The following MTHFD1L variants were observed in gnomAD, a reference collection of about 807,000 sequenced individuals.
MTHFD1L encodes the protein monofunctional C1-tetrahydrofolate synthase, mitochondrial.
In MTHFD1L, 81 loss-of-function variants were observed where a neutral mutation model predicts 119.5. That is an observed-to-expected ratio of 0.68 (90% CI 0.57 to 0.82). The LOEUF (loss-of-function observed/expected upper bound fraction) is 0.82, where lower values mean the gene tolerates loss of function less well. Ranked by LOEUF, MTHFD1L falls within the 40% of genes least tolerant of loss-of-function variation. MTHFD1L has a pLI of 0.00. For synonymous variants in MTHFD1L, 430 were observed against 475.2 expected (o/e 0.90, Z 1.24); for missense variants, 1,125 against 1,253.4 (o/e 0.90, Z 1.55).
intron 20 of MTHFD1L, 89 bp from the exon 21 acceptor site, chr6:151,009,729 GT>G: frequency 2.2e-6 from 3 of 1,393,278 alleles, no homozygotes; most frequent in Non-Finnish European, 3.0e-6. Context: ...AATGTAAGCT[GT>G]CCTTTGAGCT....
At chr6:151,046,657 T>TCATGGAATTG (rs1205602314) in intron 26 of MTHFD1L, among the ~76,000 whole-genome samples, 7 of 152,088 alleles carry the variant, frequency 4.6e-5, no homozygotes, top group East Asian at 1.9e-4. Flanking sequence ...TATCTGGTGC[T>TCATGGAATTG]CATGGAATTG....
chr6:150,968,888 GC>G (rs1797628113), intron 19 of MTHFD1L, among the ~76,000 whole-genome samples: 1 of 104,774 alleles, frequency 9.5e-6, no homozygotes, highest in South Asian at 3.0e-4. Flanking sequence ...TGCTCTTGTT[GC>G]CCAGGCTGGA....
At chr6:150,952,655 G>A (rs139785470) in intron 16 of MTHFD1L, among the ~76,000 whole-genome samples, 15 of 152,180 alleles carry the variant, frequency 9.9e-5, no homozygotes, top group African/African-American at 1.7e-4. Flanking sequence ...TCAGCCTCCC[G>A]AGTAGCTGGG....
chr6:150,929,261 G>A (rs1450346332), intron 11 of MTHFD1L, among the ~76,000 whole-genome samples: 8 of 152,198 alleles, frequency 5.3e-5, no homozygotes, highest in African/African-American at 1.4e-4. Context: ...CCTTGAAAAA[G>A]CATTTGATTT....
At chr6:150,985,660 CA>C (rs71014533) in intron 20 of MTHFD1L, among the ~76,000 whole-genome samples, 19,491 of 78,846 alleles carry the variant, frequency 0.25, 796 homozygotes, top group Middle Eastern at 0.35. Flanking sequence ...GACTCTGTCT[CA>C]AAAAAAAAAA....
At chr6:151,033,360 T>G (rs911537436) in intron 24 of MTHFD1L, among the ~76,000 whole-genome samples, 1 of 152,130 alleles carries the variant, frequency 6.6e-6, no homozygotes, top group African/African-American at 2.4e-5. Flanking sequence ...CCTCAAGTGA[T>G]CCACCCACCT....
At chr6:150,916,672 G>T (rs1271056150) in intron 8 of MTHFD1L, among the ~76,000 whole-genome samples, 1 of 139,138 alleles carries the variant, frequency 7.2e-6, no homozygotes, top group Non-Finnish European at 1.5e-5. Context: ...TGATAATCAG[G>T]TAATCCCTAA....
intron 21 of MTHFD1L, among the ~76,000 whole-genome samples, chr6:151,013,080 C>T (rs1354989780): frequency 6.6e-6 from 1 of 152,200 alleles, no homozygotes; most frequent in African/African-American, 2.4e-5. Context: ...GCAAAGTTGA[C>T]ACATAAGATT....
chr6:151,010,407 GT>G (rs377150604), intron 21 of MTHFD1L, among the ~76,000 whole-genome samples: 24 of 152,254 alleles, frequency 1.6e-4, no homozygotes, highest in African/African-American at 4.3e-4. Flanking sequence ...TGTACAGATA[GT>G]TTTTCGGTTC....
intron 20 of MTHFD1L, among the ~76,000 whole-genome samples, chr6:150,987,425 C>T (rs1335219023): frequency 1.3e-5 from 2 of 152,318 alleles, no homozygotes; most frequent in East Asian, 3.9e-4. Flanking sequence ...TGCTAACAGT[C>T]GTAAGAGTTT....
At chr6:150,935,528 A>T (rs1791905446) in intron 11 of MTHFD1L, 13 of 1,557,540 alleles carry the variant, frequency 8.3e-6, no homozygotes, top group Non-Finnish European at 1.1e-5. Flanking sequence ...TATGATCATT[A>T]AAAGAAAAAT....
At chr6:150,878,749 A>T (rs1294499913) in intron 4 of MTHFD1L, among the ~76,000 whole-genome samples, 1 of 152,146 alleles carries the variant, frequency 6.6e-6, no homozygotes, top group Non-Finnish European at 1.5e-5. Flanking sequence ...AAGAATGGGA[A>T]TTTGTAGAGT....
intron 2 of MTHFD1L, among the ~76,000 whole-genome samples, 157 bp downstream of exon 2, chr6:150,876,331 G>A (rs1780440542): frequency 6.6e-6 from 1 of 152,162 alleles, no homozygotes; most frequent in African/African-American, 2.4e-5. Flanking sequence ...GGGGTCACGG[G>A]TGAAGTACTG....
chr6:151,075,194 A>C (rs1792368141), intron 26 of MTHFD1L, among the ~76,000 whole-genome samples: 1 of 152,208 alleles, frequency 6.6e-6, no homozygotes, highest in African/African-American at 2.4e-5. Context: ...TAAATACACT[A>C]ATTAAAATGC....
intron 20 of MTHFD1L, among the ~76,000 whole-genome samples, chr6:150,983,777 C>CGTTTT (rs920720558): frequency 1.3e-5 from 2 of 152,192 alleles, no homozygotes; most frequent in South Asian, 2.1e-4. Flanking sequence ...TTCTTCTTTT[C>CGTTTT]GTTTTGTTTT....
intron 16 of MTHFD1L, among the ~76,000 whole-genome samples, chr6:150,954,588 C>T (rs1194100750): frequency 6.6e-6 from 1 of 151,874 alleles, no homozygotes; most frequent in Non-Finnish European, 1.5e-5. Flanking sequence ...ACTTGGGAGG[C>T]TGAGACAGGA....
At chr6:151,042,058 T>C (rs1787218752) in intron 26 of MTHFD1L, 3 of 347,714 alleles carry the variant, frequency 8.6e-6, no homozygotes, top group Non-Finnish European at 1.7e-5. Flanking sequence ...ATAAATACTA[T>C]TAACTGGTGT....
intron 8 of MTHFD1L, among the ~76,000 whole-genome samples, chr6:150,906,764 C>G (rs1785981713): frequency 6.6e-6 from 1 of 152,132 alleles, no homozygotes; most frequent in Admixed American, 6.5e-5. Flanking sequence ...GTAGGCAGCT[C>G]CATAAAAGCA....
intron 10 of MTHFD1L, among the ~76,000 whole-genome samples, chr6:150,924,871 A>G (rs1447101196): frequency 6.6e-6 from 1 of 152,220 alleles, no homozygotes; most frequent in Non-Finnish European, 1.5e-5. Flanking sequence ...AAGGCAAAAC[A>G]AAGTAGGAGG....
Sources: gnomAD v4.1 joint callset for allele counts (sites outside exome capture counted in the v4.1 genomes callset) on GRCh38, gnomAD v4.1.1 for gene constraint, MANE v1.5 for transcripts, NCBI Gene and HGNC (gene_info 2026-07-23, HGNC 2026-07-21) for gene names.